ZFC3H1: variants seen among roughly 807,000 people sequenced by gnomAD.
ZFC3H1 encodes zinc finger C3H1 domain-containing protein.
In ZFC3H1, 71 loss-of-function variants were observed where a neutral mutation model predicts 243.7. The observed-to-expected ratio is 0.29, with a 90% confidence interval of 0.24 to 0.36. The LOEUF (loss-of-function observed/expected upper bound fraction) is 0.36. Ranked by LOEUF, ZFC3H1 falls within the 10% of genes least tolerant of loss-of-function variation. ZFC3H1 has a pLI of 1.00. For synonymous variants in ZFC3H1, 838 were observed against 813.0 expected (o/e 1.03, Z -0.52); for missense variants, 1,966 against 2,317.1 (o/e 0.85, Z 3.11).
intron 6 of ZFC3H1, chr12:71,639,473 AG>A: frequency 1.7e-5 from 1 of 58,784 alleles, no homozygotes. Context: ...AATGTTTAAT[AG>A]TCAGACACTT....
Position 71,644,087 on chromosome 12 carries a change from TTTC to T in ZFC3H1, c.1503+5_1503+7del. On this transcript the variant is annotated splice_donor_5th_base_variant and intron_variant, in intron 5 of 34. Coordinates refer to ENST00000378743, the MANE Select transcript of ZFC3H1 (RefSeq NM_144982.5). ...AACGTTTTGATTTTATATTTTTGCA[TTTC>T]TTACTTTACTTCTTGATCTCCTCTT... 1 of 1,604,852 alleles carries T rather than the reference TTTC, an allele frequency of 6.2e-7. No individual in the cohort carries two copies. Among genetic ancestry groups the T allele is most frequent in the Non-Finnish European group, 8.5e-7 (1 of 1,174,968 alleles).
Position 71,635,530 on chromosome 12 carries a change from A to G in ZFC3H1, c.2151T>C (p.Ser717=). ...VVVTLNDSDD[S]ESDGEASKST... Reference sequence around the variant, plus strand: ...ACTTGGAAGCCTCTCCATCAGATTCACTATCATCTGAATCATTTAGTGTTA... The same window carrying G: ...ACTTGGAAGCCTCTCCATCAGATTCGCTATCATCTGAATCATTTAGTGTTA... The change falls in exon 10 of 35, where the codon AGT becomes AGC. Residue 717 remains serine, a synonymous_variant. Transcript: ENST00000378743. 6 of 1,565,162 alleles carry G rather than the reference A, an allele frequency of 3.8e-6. No individual in the cohort carries two copies. The highest frequency in any genetic ancestry group is 5.2e-6 in the Non-Finnish European group (6 of 1,164,020).
chr12:71,657,948 C>T (rs1202639985), intron 1 of ZFC3H1, among the ~76,000 whole-genome samples: 1 of 151,454 alleles, frequency 6.6e-6, no homozygotes, highest in Non-Finnish European at 1.5e-5. Flanking sequence ...AAGATCACAC[C>T]ACTGCACTCC....
Position 71,634,192 on chromosome 12 carries a change from G to A in ZFC3H1, c.2473C>T (p.Gln825Ter). The A allele has an allele frequency of 6.2e-7, 1 of 1,613,778 alleles. No homozygotes were observed. ...GIGRIAMVTK[Q>*]VTDAESKLKK... Reference sequence around the variant, plus strand: ...AGTTTTGATTCTGCATCTGTAACCTGCTTAGTAACCATTGCTATCCTGCCA... The same window carrying A: ...AGTTTTGATTCTGCATCTGTAACCTACTTAGTAACCATTGCTATCCTGCCA... The change falls in exon 12 of 35, where the codon CAG becomes TAG. Residue 825 changes from glutamine to a stop codon, truncating the protein, a stop_gained. Transcript: ENST00000378743. LOFTEE classifies it high-confidence loss of function.
Position 71,628,890 on chromosome 12 carries a change from C to G in ZFC3H1, c.3946+28G>C, listed in dbSNP as rs1194172099. 7 of 1,562,994 alleles carry G rather than the reference C, an allele frequency of 4.5e-6. No individual in the cohort carries two copies. The Admixed American group carries it at 7.9e-5, about 18-fold the overall frequency. ...GATGGAACACCACAATTTAATAATT[C>G]TGGATCTTAAATTACATAACTTCTT... On this transcript the variant is annotated intron_variant, in intron 20 of 34. Coordinates refer to ENST00000378743, the MANE Select transcript of ZFC3H1 (RefSeq NM_144982.5).
chr12:71,662,089 T>C (rs970399459), intron 1 of ZFC3H1, among the ~76,000 whole-genome samples: 3 of 152,226 alleles, frequency 2.0e-5, no homozygotes, highest in African/African-American at 7.2e-5. Flanking sequence ...ATTTTTGCAA[T>C]GATCACAGAT....
In ZFC3H1 at chr12:71,632,224, C is replaced by G; in HGVS notation, c.3108G>C (p.Leu1036Phe). 6.2e-7 allele frequency: 1 copy of G among 1,611,182 alleles called. No homozygotes were observed. The highest frequency in any genetic ancestry group is 8.5e-7 in the Non-Finnish European group (1 of 1,179,122). Reference sequence around the variant, plus strand: ...TTCTTCGCTCTCTGCTTGAACCAGACAAAATTTCATCATCAACATCATTTT... The same window carrying G: ...TTCTTCGCTCTCTGCTTGAACCAGAGAAAATTTCATCATCAACATCATTTT... Reference protein sequence around the residue: ...TEENDVDDEILSGSSRERRRS... With the variant: ...TEENDVDDEIFSGSSRERRRS... The change falls in exon 15 of 35, where the codon TTG becomes TTC. Residue 1036 changes from leucine to phenylalanine, a missense_variant. By Grantham distance (22) the Leu-to-Phe change is conservative. Transcript: ENST00000378743.
Position 71,623,672 on chromosome 12 carries a change from T to C in ZFC3H1, c.4507-75A>G. The C allele has an allele frequency of 2.8e-6, 3 of 1,057,122 alleles. No homozygotes were observed. The South Asian group carries it at 4.9e-5, about 17-fold the overall frequency. The allele number at this position is 1,057,122 out of a possible 1,614,324, so 65.5% of individuals were successfully genotyped here. On this transcript the variant is annotated intron_variant, in intron 23 of 34. Transcript: ENST00000378743. ...CAGATTAACATAATTTTTACTATGC[T>C]AAAGTTTATGAAATAATAAAAAGGT...
In ZFC3H1 at chr12:71,623,539, C is replaced by T. The variant is rs762358615; in HGVS notation, c.4565G>A (p.Arg1522Gln). The change falls in exon 24 of 35, where the codon CGA becomes CAA. Residue 1522 changes from arginine to glutamine, a missense_variant. By Grantham distance (43) the Arg-to-Gln change is conservative. Coordinates refer to ENST00000378743, the MANE Select transcript of ZFC3H1 (RefSeq NM_144982.5). ...IVAEYLKTSD[R>Q]CLAWLAYIHL... is the part of the protein sequence containing the mutation. ...TATGTAGGCCAACCATGCCAAACAT[C>T]GATCACTGGTTTTAAGGTATTCAGC... The T allele has an allele frequency of 2.5e-6, 4 of 1,613,446 alleles. No homozygotes were observed. Among genetic ancestry groups the T allele is most frequent in the African/African-American group, 2.7e-5 (2 of 74,876 alleles).
At position 71,611,104 on chromosome 12, in the gene ZFC3H1, G is replaced by GAAAAA. The variant is rs566085973; in HGVS notation, c.5730-12_5730-8dup. The GAAAAA allele has an allele frequency of 9.4e-6, 12 of 1,280,970 alleles. No homozygotes were observed. Among genetic ancestry groups the GAAAAA allele is most frequent in the South Asian group, 3.7e-5 (2 of 54,536 alleles). 79.4% of individuals were successfully genotyped at this position (1,280,970 alleles called of 1,614,324 possible). ...AATCTCAGCAGCAATGGCTCTAAGA[G>GAAAAA]AAAAAAAAAAAAAAAGAAATATAGA... On this transcript the variant is annotated splice_polypyrimidine_tract_variant and splice_region_variant and intron_variant, in intron 32 of 34. Transcript: ENST00000378743.
Position 71,633,469 on chromosome 12 carries a change from T to A in ZFC3H1, c.2511-31A>T, listed in dbSNP as rs558488620. On this transcript the variant is annotated intron_variant, in intron 12 of 34. Transcript: ENST00000378743. ...TGAGAAATAACAAAATTCTTGTTAA[T>A]GTTTCCCTACAAGAGCAGACTGTCA... 32 of 1,505,268 alleles carry A rather than the reference T, an allele frequency of 2.1e-5. No homozygotes were observed. The African/African-American group carries it at 4.3e-4, about 20-fold the overall frequency. The allele number at this position is 1,505,268 out of a possible 1,614,324, so 93.2% of individuals were successfully genotyped here. A position where few individuals can be genotyped will look rare whatever the true frequency, so the allele number is the denominator to read the frequency against.
At chr12:71,637,200 C>A in intron 7 of ZFC3H1, 141 bp from the exon 8 acceptor site, 5 of 666,398 alleles carry the variant, frequency 7.5e-6, no homozygotes, top group South Asian at 2.8e-5. Context: ...TATATGTTAA[C>A]CTCAAAACAA....
chr12:71,651,339 A>C (rs886761143), intron 2 of ZFC3H1, among the ~76,000 whole-genome samples: 1 of 152,224 alleles, frequency 6.6e-6, no homozygotes, highest in Non-Finnish European at 1.5e-5. Flanking sequence ...TTAGTGCTGC[A>C]ACCTGTATCC....
intron 6 of ZFC3H1, among the ~76,000 whole-genome samples, chr12:71,640,474 T>C (rs961308157): frequency 6.6e-6 from 1 of 152,164 alleles, no homozygotes; most frequent in Admixed American, 6.5e-5. Flanking sequence ...AGAAGGCTGG[T>C]TGGAACAGAG....
intron 2 of ZFC3H1, among the ~76,000 whole-genome samples, chr12:71,649,108 AAAG>A (rs1225443799): frequency 2.0e-5 from 3 of 151,402 alleles, no homozygotes; most frequent in African/African-American, 4.8e-5. Context: ...AAAAAAAAAA[AAAG>A]AAAAGAAAAG....
At chr12:71,641,173 T>C (rs151111339) in intron 6 of ZFC3H1, among the ~76,000 whole-genome samples, 1 of 152,288 alleles carries the variant, frequency 6.6e-6, no homozygotes, top group African/African-American at 2.4e-5. Context: ...GTATTAATAA[T>C]ATTGTCAATA....
At chr12:71,610,808 C>T (rs932837736) in intron 33 of ZFC3H1, 51 bp from the exon 34 acceptor site, 2 of 1,539,968 alleles carry the variant, frequency 1.3e-6, no homozygotes, top group Non-Finnish European at 1.8e-6. Context: ...ATGAAAAACA[C>T]CTTCATAATT....
At chr12:71,621,955 T>C (rs1189773080) in intron 24 of ZFC3H1, among the ~76,000 whole-genome samples, 1 of 152,198 alleles carries the variant, frequency 6.6e-6, no homozygotes, top group Admixed American at 6.5e-5. Flanking sequence ...TTCAAGCACA[T>C]TCTCTTTCTT....
Position 71,637,112 on chromosome 12 carries a change from C to G in ZFC3H1, c.1726-53G>C, listed in dbSNP as rs1431728287. The G allele has an allele frequency of 3.5e-6, 5 of 1,443,634 alleles. No individual in the cohort carries two copies. The Admixed American group carries it at 1.0e-4, about 29-fold the overall frequency. The allele number at this position is 1,443,634 out of a possible 1,614,324, so 89.4% of individuals were successfully genotyped here. On this transcript the variant is annotated intron_variant, in intron 7 of 34. Transcript: ENST00000378743. The stretch of plus-strand genomic sequence containing the variant: ...AACGCAAATTTTATCAACTCAAATG[C>G]TTCTCTCTGCAGCAATATTAAACTA...
Sources: allele counts gnomAD v4.1 joint callset (sites outside exome capture counted in the v4.1 genomes callset), GRCh38; gene constraint gnomAD v4.1.1; transcripts MANE v1.5; gene names NCBI Gene and HGNC (gene_info 2026-07-23, HGNC 2026-07-21).